The following A4GNT variants were observed in gnomAD, a reference collection of about 807,000 sequenced individuals.
A4GNT encodes the protein alpha-1,4-N-acetylglucosaminyltransferase.
Under a neutral mutation model 8.3 loss-of-function variants are expected in A4GNT, and 6 were observed. The ratio of observed to expected loss-of-function variants is 0.72; its 90% confidence interval spans 0.39 to 1.42. The LOEUF (loss-of-function observed/expected upper bound fraction) is 1.42, where lower values mean the gene tolerates loss of function less well. Among genes scored for constraint, A4GNT ranks in the 40% most tolerant of loss-of-function variants. A4GNT has a pLI of 0.02. For synonymous variants in A4GNT, 157 were observed against 159.8 expected (o/e 0.98, Z 0.13); for missense variants, 377 against 417.0 (o/e 0.90, Z 0.84).
rs374392631 is a variant in A4GNT, at chr3:138,131,047, G to C, written c.210C>G (p.Ser70=). The stretch of plus-strand genomic sequence containing the variant: ...GATAAATCTTGGCAGCAGACTCTAC[G>C]GAACAGGAGACCAAATGGGGTGGCT... The part of the protein sequence containing the change: ...RMEPPHLVSC[S]VESAAKIYPE... The change falls in exon 2 of 3, where the codon TCC becomes TCG. Residue 70 remains serine (S), a synonymous_variant. Transcript: ENST00000236709. The C allele has an allele frequency of 3.0e-5, 49 of 1,614,072 alleles. No individual in the cohort carries two copies. Among genetic ancestry groups the C allele is most frequent in the Middle Eastern group, 3.3e-4 (2 of 6,062 alleles).
intron 2 of A4GNT, 132 bp downstream of exon 2, chr3:138,130,717 A>G (rs1184642221): frequency 3.3e-6 from 3 of 905,006 alleles, no homozygotes; most frequent in African/African-American, 1.7e-5. Context: ...TCAGTTCTCA[A>G]CATGGTAAAA....
intron 2 of A4GNT, among the ~76,000 whole-genome samples, chr3:138,127,489 G>A (rs1357011101): frequency 6.6e-6 from 1 of 151,354 alleles, no homozygotes; most frequent in South Asian, 2.1e-4. Context: ...CAGGAGAATC[G>A]CTTGAACCCG....
In A4GNT at chr3:138,124,350, G is replaced by A. The variant is rs760801510; in HGVS notation, c.937C>T (p.Arg313Cys). Residue 313 changes from arginine (R) to cysteine (C), a missense_variant, in exon 3 of 3, where the codon CGC becomes TGC. By Grantham distance (180) the Arg-to-Cys change is radical. Coordinates refer to ENST00000236709, the MANE Select transcript of A4GNT (RefSeq NM_016161.3). ...GSNTLVENLY[R>C]KHCPRTYRDL... is the part of the protein sequence containing the mutation. The stretch of plus-strand genomic sequence containing the variant: ...CTGTAAGTCCTGGGACAGTGCTTGC[G>A]ATAGAGATTTTCCACCAGTGTGTTG... 2.5e-5 allele frequency: 41 copies of A among 1,614,124 alleles called. No individual in the cohort carries two copies. The highest frequency in any genetic ancestry group is 1.5e-4 in the Admixed American group (9 of 60,008).
chr3:138,127,108 G>A (rs2042750004), intron 2 of A4GNT, among the ~76,000 whole-genome samples: 1 of 104,596 alleles, frequency 9.6e-6, no homozygotes, highest in Admixed American at 1.4e-4. Flanking sequence ...GAGAGAGCAA[G>A]ACTCCATCTC....
chr3:138,128,788 C>T (rs888228752), intron 2 of A4GNT, among the ~76,000 whole-genome samples: 1 of 152,068 alleles, frequency 6.6e-6, no homozygotes, highest in Admixed American at 6.5e-5. Context: ...GAAACTGCCT[C>T]CCTACCCCTC....
In A4GNT at chr3:138,123,960, C is replaced by A. The variant is rs564909534; in HGVS notation, c.*304G>T. 11 of 321,154 alleles carry A rather than the reference C, an allele frequency of 3.4e-5. No individual in the cohort carries two copies. In the East Asian group the frequency reaches 7.5e-4, roughly 22 times the overall value. 19.9% of individuals were successfully genotyped at this position (321,154 alleles called of 1,614,324 possible). ...GTGCAATGTAAGAGAAAGTGTTATA[C>A]GGTACTTGCAGGAAGTCTTCACAAA... On this transcript the variant is annotated 3_prime_UTR_variant, in exon 3 of 3. Coordinates refer to ENST00000236709, the MANE Select transcript of A4GNT (RefSeq NM_016161.3).
At chr3:138,128,670 C>T (rs949247728) in intron 2 of A4GNT, among the ~76,000 whole-genome samples, 5 of 151,994 alleles carry the variant, frequency 3.3e-5, no homozygotes, top group African/African-American at 1.2e-4. Context: ...TATCAGGTAG[C>T]GTTAGTCTAG....
rs1392897116 is a variant in A4GNT at position 138,124,720 on chromosome 3, G to A, written c.567C>T (p.Tyr189=). ...GGAACCCAAATATTCCATTACTAGA[G>A]TACCGAGAAGCCTGCGCAGCCAAAA... ...ENFLAAQASR[Y]SSNGIFGFLP... The change falls in exon 3 of 3, where the codon TAC becomes TAT. Residue 189 remains tyrosine, a synonymous_variant. Transcript: ENST00000236709. The A allele has an allele frequency of 6.2e-7, 1 of 1,614,200 alleles. No individual in the cohort carries two copies. Among genetic ancestry groups the A allele is most frequent in the East Asian group, 2.2e-5 (1 of 44,888 alleles).
Position 138,124,304 on chromosome 3 carries a change from T to C in A4GNT, c.983A>G (p.Glu328Gly), listed in dbSNP as rs1188965570. Residue 328 changes from glutamate to glycine, a missense_variant, in exon 3 of 3, where the codon GAG (glutamate) becomes GGG (glycine). By Grantham distance (98) the Glu-to-Gly change is moderately conservative (BLOSUM62 -2). Coordinates refer to ENST00000236709, the MANE Select transcript of A4GNT (RefSeq NM_016161.3). ...ACCCAGCTCCCCAGTCACTGACCCCTCTGGGCCTTTAATCAGGTCCCTGTA... is the reference window on the plus strand; with the variant it reads ...ACCCAGCTCCCCAGTCACTGACCCCCCTGGGCCTTTAATCAGGTCCCTGTA... The part of the protein sequence containing the change: ...RTYRDLIKGP[E>G]GSVTGELGPG... The C allele has an allele frequency of 1.2e-6, 2 of 1,614,082 alleles. No individual in the cohort carries two copies. The highest frequency in any genetic ancestry group is 1.3e-5 in the African/African-American group (1 of 74,928).
intron 1 of A4GNT, 110 bp from the exon 2 acceptor site, chr3:138,131,392 T>A: frequency 2.2e-6 from 2 of 910,666 alleles, no homozygotes; most frequent in Non-Finnish European, 3.0e-6. Flanking sequence ...TTAAATATCC[T>A]AAATAAAATA....
chr3:138,130,166 G>T (rs1479602241), intron 2 of A4GNT, among the ~76,000 whole-genome samples: 1 of 151,480 alleles, frequency 6.6e-6, no homozygotes, highest in Non-Finnish European at 1.5e-5. Flanking sequence ...TATGACATAA[G>T]GTGGTTTTAA....
chr3:138,126,853 G>A (rs1277351697), intron 2 of A4GNT, among the ~76,000 whole-genome samples: 8 of 149,714 alleles, frequency 5.3e-5, no homozygotes, highest in African/African-American at 1.5e-4. Flanking sequence ...AAAATAAGCC[G>A]GGCGTGGGTG....
At position 138,130,086 on chromosome 3, in the gene A4GNT, CT is replaced by C. The variant is rs1204678039; in HGVS notation, c.408+762del. Among the ~76,000 whole-genome samples, 1,180 of 143,842 alleles carry C rather than the reference CT, an allele frequency of 8.2e-3. 11 individuals carry two copies. The highest frequency in any genetic ancestry group is 0.027 in the African/African-American group (1,050 of 39,354). The allele number at this position is 143,842 out of a possible 152,430, so 94.4% of individuals were successfully genotyped here. On this transcript the variant is annotated intron_variant, in intron 2 of 2. Transcript: ENST00000236709. Reference sequence around the variant, plus strand: ...TGTGTGTTGTAGAGTTCTTTCAGGTCTTTTTTTTTTTCAATAGATGTGTGTG... The same window carrying C: ...TGTGTGTTGTAGAGTTCTTTCAGGTCTTTTTTTTTTCAATAGATGTGTGTG...
intron 2 of A4GNT, among the ~76,000 whole-genome samples, chr3:138,125,082 A>C (rs2042737814): frequency 6.6e-6 from 1 of 152,364 alleles, no homozygotes; most frequent in Admixed American, 6.5e-5. Context: ...TGCAGCAATC[A>C]GTATCAATGG....
chr3:138,125,898 AG>A (rs974099676), intron 2 of A4GNT, among the ~76,000 whole-genome samples: 8 of 151,652 alleles, frequency 5.3e-5, no homozygotes, highest in Non-Finnish European at 1.0e-4. Flanking sequence ...AGAGCTGAGA[AG>A]GGAGTGGGGT....
chr3:138,132,319 C>G lies in A4GNT; in HGVS notation c.-134G>C, dbSNP rs1223509615. The G allele has an allele frequency of 6.6e-6, 1 of 152,194 alleles. No individual in the cohort carries two copies. Among genetic ancestry groups the G allele is most frequent in the Non-Finnish European group, 1.5e-5 (1 of 68,038 alleles). The allele number at this position is 152,194 out of a possible 1,614,324, so 9.4% of individuals were successfully genotyped here. A position where few individuals can be genotyped will look rare whatever the true frequency, so the allele number is the denominator to read the frequency against. ...TTACATATAACCCTTTTAGAAAATACAAAACAGTGAATCAGAGCCTAACTT... is the reference window on the plus strand; with the variant it reads ...TTACATATAACCCTTTTAGAAAATAGAAAACAGTGAATCAGAGCCTAACTT... On this transcript the variant is annotated 5_prime_UTR_variant, in exon 1 of 3. Transcript: ENST00000236709.
At chr3:138,131,361 T>C in intron 1 of A4GNT, 79 bp from the exon 2 acceptor site, 2 of 1,094,040 alleles carry the variant, frequency 1.8e-6, no homozygotes, top group Non-Finnish European at 2.4e-6. Flanking sequence ...GATACATGAA[T>C]ATCATTTAAA....
chr3:138,131,360 A>C, intron 1 of A4GNT, 78 bp from the exon 2 acceptor site: 1 of 1,155,114 alleles, frequency 8.7e-7, no homozygotes, highest in Non-Finnish European at 1.1e-6. Context: ...TGATACATGA[A>C]TATCATTTAA....
chr3:138,131,439 G>A (rs557088913), intron 1 of A4GNT, among the ~76,000 whole-genome samples, 157 bp from the exon 2 acceptor site: 1 of 151,408 alleles, frequency 6.6e-6, no homozygotes, highest in African/African-American at 2.4e-5. Flanking sequence ...AAAAAAAAAT[G>A]CAGCCAGGCA....
Sources: allele counts gnomAD v4.1 joint callset (sites outside exome capture counted in the v4.1 genomes callset), GRCh38; gene constraint gnomAD v4.1.1; transcripts MANE v1.5; gene names NCBI Gene and HGNC (gene_info 2026-07-23, HGNC 2026-07-21).